RGS6: variants seen among roughly 807,000 people sequenced by gnomAD.
The protein encoded by RGS6 is regulator of G-protein signaling 6.
In RGS6, 30 loss-of-function variants were observed where a neutral mutation model predicts 78.5. That is an observed-to-expected ratio of 0.38 (90% confidence interval 0.29 to 0.52). RGS6 has a LOEUF of 0.52. Among genes scored for constraint, RGS6 ranks in the 20% least tolerant of loss-of-function variants. RGS6 has a pLI of 0.85. For missense variants in RGS6, 495 were observed against 609.7 expected (o/e 0.81, Z 1.98); for synonymous variants, 206 against 206.0 (o/e 1.00, Z 0.00).
chr14:72,561,348 G>A (rs1363307159), intron 17 of RGS6, among the ~76,000 whole-genome samples: 4 of 152,156 alleles, frequency 2.6e-5, no homozygotes, highest in Non-Finnish European at 4.4e-5. Flanking sequence ...GATGGCGGTG[G>A]TGTCGCTGAC....
At chr14:72,218,320 C>T (rs1233729620) in intron 2 of RGS6, among the ~76,000 whole-genome samples, 1 of 151,956 alleles carries the variant, frequency 6.6e-6, no homozygotes, top group African/African-American at 2.4e-5. Context: ...TAGTTATGTC[C>T]TATAAAATCA....
intron 2 of RGS6, among the ~76,000 whole-genome samples, chr14:72,323,956 T>C (rs1486653611): frequency 6.6e-6 from 1 of 151,910 alleles, no homozygotes; most frequent in Non-Finnish European, 1.5e-5. Context: ...GATATTTTGA[T>C]ACAGACATAC....
At chr14:72,335,697 G>A (rs1014641215) in intron 2 of RGS6, among the ~76,000 whole-genome samples, 11 of 152,070 alleles carry the variant, frequency 7.2e-5, no homozygotes, top group Admixed American at 5.2e-4. Context: ...AATTGTCTTG[G>A]GCCACACATA....
chr14:72,354,790 C>A (rs2079906743), intron 3 of RGS6, among the ~76,000 whole-genome samples: 1 of 152,050 alleles, frequency 6.6e-6, no homozygotes, highest in Non-Finnish European at 1.5e-5. Flanking sequence ...ACGTTCAGTC[C>A]AAAATAGAGC....
chr14:72,587,616 C>T, the RGS6 span, among the ~76,000 whole-genome samples: 7,304 of 152,160 alleles, frequency 0.048, 637 homozygotes, highest in African/African-American at 0.17. Flanking sequence ...AGGGTCCAAC[C>T]TCAGGGGTAG....
chr14:72,276,928 A>AT (rs1278046602), intron 2 of RGS6, among the ~76,000 whole-genome samples: 1 of 151,888 alleles, frequency 6.6e-6, no homozygotes, highest in Non-Finnish European at 1.5e-5. Flanking sequence ...AACTTCTACT[A>AT]TTTTTTTGGC....
chr14:71,987,347 G>A (rs1200350964), intron 2 of RGS6, among the ~76,000 whole-genome samples: 1 of 151,978 alleles, frequency 6.6e-6, no homozygotes, highest in Non-Finnish European at 1.5e-5. Context: ...TGGGAGGGTG[G>A]CTTAAAGACC....
At position 72,510,227 on chromosome 14, in the gene RGS6, C is replaced by T. The variant is rs965685836; in HGVS notation, c.1039C>T (p.Arg347Trp). The change falls in exon 14 of 18, where the codon CGG (arginine) becomes TGG (tryptophan). Residue 347 changes from arginine (R) to tryptophan (W), a missense_variant. Coordinates refer to ENST00000553525, the MANE Select transcript of RGS6 (RefSeq NM_001204424.2). The part of the protein sequence containing the change: ...FDEILKDQVG[R>W]DQFLRFLESE... Reference sequence around the variant, plus strand: ...TGAGATATTGAAGGACCAGGTGGGGCGGGACCAGTTTCTACGATTCCTGGA... The same window carrying T: ...TGAGATATTGAAGGACCAGGTGGGGTGGGACCAGTTTCTACGATTCCTGGA... The T allele has an allele frequency of 2.5e-6, 4 of 1,614,056 alleles. No homozygotes were observed. Among genetic ancestry groups the T allele is most frequent in the Admixed American group, 1.7e-5 (1 of 60,000 alleles).
At chr14:72,553,985 C>CTAAG (rs2097539037) in intron 17 of RGS6, among the ~76,000 whole-genome samples, 1 of 152,216 alleles carries the variant, frequency 6.6e-6, no homozygotes, top group Admixed American at 6.5e-5. Flanking sequence ...TTCCAATGAC[C>CTAAG]TAAGTTTCTG....
intron 12 of RGS6, among the ~76,000 whole-genome samples, chr14:72,493,272 A>C (rs1322303627): frequency 6.6e-6 from 1 of 152,234 alleles, no homozygotes; most frequent in Non-Finnish European, 1.5e-5. Flanking sequence ...CAACTGGAAG[A>C]AACTTACAAT....
At chr14:72,028,135 T>C (rs1056570062) in intron 2 of RGS6, among the ~76,000 whole-genome samples, 2 of 152,236 alleles carry the variant, frequency 1.3e-5, no homozygotes, top group Non-Finnish European at 2.9e-5. Flanking sequence ...GCTTTGCCCT[T>C]CTGAAAACAC....
chr14:72,304,665 G>A (rs1467322698), intron 2 of RGS6, among the ~76,000 whole-genome samples: 1 of 152,042 alleles, frequency 6.6e-6, no homozygotes, highest in Non-Finnish European at 1.5e-5. Flanking sequence ...GATCACCTGA[G>A]GTCAGGAGTT....
At chr14:72,515,541 C>T (rs2096930995) in intron 14 of RGS6, among the ~76,000 whole-genome samples, 1 of 152,168 alleles carries the variant, frequency 6.6e-6, no homozygotes, top group Non-Finnish European at 1.5e-5. Context: ...TGACATGCCC[C>T]TGTAATTCCA....
chr14:72,595,291 T>A, the RGS6 span, among the ~76,000 whole-genome samples: 46 of 152,112 alleles, frequency 3.0e-4, no homozygotes, highest in Non-Finnish European at 5.6e-4. Context: ...ACCGGTTCAG[T>A]GTATTTTTCT....
chr14:72,563,094 C>A lies in RGS6; in HGVS notation c.*627C>A. 2.7e-6 allele frequency: 1 copy of A among 372,880 alleles called. No homozygotes were observed. Among genetic ancestry groups the A allele is most frequent in the South Asian group, 2.8e-5 (1 of 36,194 alleles). The allele number at this position is 372,880 out of a possible 1,614,324, so 23.1% of individuals were successfully genotyped here. On this transcript the variant is annotated 3_prime_UTR_variant, in exon 18 of 18. Coordinates refer to ENST00000553525, the MANE Select transcript of RGS6 (RefSeq NM_001204424.2). ...ATTGCCCCGCCTCAAGGTCTTTCCA[C>A]CCTCTTTGAGATCAGCGTTCGGAGA...
chr14:72,224,389 C>G (rs527655314), intron 2 of RGS6, among the ~76,000 whole-genome samples: 1 of 151,704 alleles, frequency 6.6e-6, no homozygotes, highest in East Asian at 1.9e-4. Flanking sequence ...TGCACTCCAG[C>G]CTGGGTGACA....
intron 2 of RGS6, among the ~76,000 whole-genome samples, chr14:72,303,279 T>A (rs745914827): frequency 6.6e-6 from 1 of 152,120 alleles, no homozygotes; most frequent in South Asian, 2.1e-4. Context: ...TGCGGGTGGG[T>A]CACCTGAGGT....
intron 3 of RGS6, among the ~76,000 whole-genome samples, chr14:72,403,741 T>C (rs1474779833): frequency 2.0e-5 from 3 of 152,094 alleles, no homozygotes; most frequent in African/African-American, 7.2e-5. Context: ...CAATTAAAAA[T>C]AATGTAAGGA....
intron 2 of RGS6, among the ~76,000 whole-genome samples, chr14:72,243,986 G>T (rs2053581406): frequency 6.6e-6 from 1 of 152,248 alleles, no homozygotes; most frequent in Non-Finnish European, 1.5e-5. Context: ...TGTTGGCCTG[G>T]ATCAGTGACT....
Sources: allele counts gnomAD v4.1 joint callset (sites outside exome capture counted in the v4.1 genomes callset), GRCh38; gene constraint gnomAD v4.1.1; transcripts MANE v1.5; gene names NCBI Gene and HGNC (gene_info 2026-07-23, HGNC 2026-07-21).